GSE1: variants seen among roughly 807,000 people sequenced by gnomAD.
GSE1 encodes the protein Gse1 coiled-coil protein, also known as genetic suppressor element 1.
GSE1 carries 32 observed loss-of-function variants against 112.6 expected under a neutral mutation model. That is an observed-to-expected ratio of 0.28 (90% CI 0.21 to 0.38). The LOEUF is 0.38. GSE1 is among the 10% of genes least tolerant of loss of function. The probability of loss-of-function intolerance (pLI) is 1.00; values close to 1 mark genes in which losing one functional copy is unlikely to be tolerated. For missense variants in GSE1, 2,348 were observed against 1,699.2 expected, an observed-to-expected ratio of 1.38 and a Z score of -6.71; for synonymous variants, 1,115 against 735.6, an observed-to-expected ratio of 1.52 and a Z score of -8.35.
At chr16:85,654,742 G>A in intron 4 of GSE1, 52 bp from the exon 5 acceptor site, 3 of 1,115,378 alleles carry the variant, frequency 2.7e-6, no homozygotes, top group Non-Finnish European at 4.0e-6. Flanking sequence ...CCCCATGCAG[G>A]AGCAGGTGTG....
intron 1 of GSE1, among the ~76,000 whole-genome samples, chr16:85,314,784 C>G (rs2045953190): frequency 6.6e-6 from 1 of 152,202 alleles, no homozygotes; most frequent in South Asian, 2.1e-4. Flanking sequence ...GCAAGGTTCC[C>G]TGGGGGCAGG....
upstream of GSE1, among the ~76,000 whole-genome samples, chr16:85,611,696 AG>A (rs1245607549): frequency 2.0e-5 from 3 of 151,970 alleles, no homozygotes; most frequent in African/African-American, 7.3e-5. Context: ...GTGGGGCCTG[AG>A]GGAGCCCGCC....
chr16:85,452,037 A>C lies in GSE1; in HGVS notation c.2464+94394A>C, dbSNP rs375758370. Among the ~76,000 whole-genome samples the C allele has an allele frequency of 2.0e-5, 3 of 151,086 alleles. No individual in the cohort carries two copies. The South Asian group carries it at 6.3e-4, about 32-fold the overall frequency. The stretch of plus-strand genomic sequence containing the variant: ...TGTAAGCAAGAAGCGTCCCCACCCA[A>C]GGTCCGTGTCTCGGTGTCAGGTTAG... On this transcript the variant is annotated intron_variant, in intron 2 of 2. Coordinates refer to the GSE1 transcript ENST00000637419.
At chr16:85,510,148 G>A (rs1007213247) in intron 2 of GSE1, among the ~76,000 whole-genome samples, 1 of 152,202 alleles carries the variant, frequency 6.6e-6, no homozygotes, top group African/African-American at 2.4e-5. Context: ...CTGCCCCTCG[G>A]CTCTCCCATC....
At chr16:85,246,973 C>T (rs1905921328) in intron 1 of GSE1, among the ~76,000 whole-genome samples, 1 of 152,044 alleles carries the variant, frequency 6.6e-6, no homozygotes, top group Non-Finnish European at 1.5e-5. Context: ...TCTTAGAATA[C>T]AATTTTAAGT....
Position 85,419,499 on chromosome 16 carries a change from G to A in GSE1, c.2464+61856G>A, listed in dbSNP as rs1035585771. Among the ~76,000 whole-genome samples the A allele has an allele frequency of 7.9e-5, 12 of 152,034 alleles. No individual in the cohort carries two copies. Among genetic ancestry groups the A allele is most frequent in the Non-Finnish European group, 1.6e-4 (11 of 67,960 alleles). ...TGCACATCTGTGGTCCTAGCTACTC[G>A]GGAGGCTGAGGTGGGAGGATCGCCT... On this transcript the variant is annotated intron_variant, in intron 2 of 2. Transcript: ENST00000637419. The surrounding 1 kb of genome is among the most constrained non-coding windows in gnomAD (Gnocchi z 6.5).
At chr16:85,534,253 C>A (rs1312303206) in intron 2 of GSE1, among the ~76,000 whole-genome samples, 1 of 151,828 alleles carries the variant, frequency 6.6e-6, no homozygotes, top group Non-Finnish European at 1.5e-5. Flanking sequence ...TCCCAAATAG[C>A]TGGGATTACA....
chr16:85,634,958 G>A lies in GSE1; in HGVS notation c.226+826G>A, dbSNP rs376811495. Among the ~76,000 whole-genome samples the A allele has an allele frequency of 6.2e-4, 95 of 152,228 alleles. No individual in the cohort carries two copies. The South Asian group carries it at 7.0e-3, about 11-fold the overall frequency. The stretch of plus-strand genomic sequence containing the variant: ...TGGACTCGCTGCTGACAGGCGGGGG[G>A]GCTGAGGAAACCGGGACCCCAGTGG... On this transcript the variant is annotated intron_variant, in intron 2 of 15. Coordinates refer to ENST00000253458, the MANE Select transcript of GSE1 (RefSeq NM_014615.5).
At position 85,663,254 on chromosome 16, in the gene GSE1, A is replaced by T. The variant is rs193086456; in HGVS notation, c.2374-90A>T. The T allele has an allele frequency of 3.5e-4, 511 of 1,456,322 alleles. No homozygotes were observed. The African/African-American group carries it at 5.8e-3, about 16-fold the overall frequency. 90.2% of individuals were successfully genotyped at this position (1,456,322 alleles called of 1,614,324 possible). A position where few individuals can be genotyped will look rare whatever the true frequency, so the allele number is the denominator to read the frequency against. On this transcript the variant is annotated intron_variant, in intron 10 of 15. Transcript: ENST00000253458. Reference sequence around the variant, plus strand: ...CCAGGCGCAGCCAGCTACGGCCCACACTTCGAGGACCCCAGGAGGGGACCC... The same window carrying T: ...CCAGGCGCAGCCAGCTACGGCCCACTCTTCGAGGACCCCAGGAGGGGACCC...
Position 85,485,406 on chromosome 16 carries a change from CTCTTCCTCCCCT to C in GSE1, c.2464+127764_2464+127775del, listed in dbSNP as rs201991421. Among the ~76,000 whole-genome samples, 1,468 of 152,302 alleles carry C rather than the reference CTCTTCCTCCCCT, an allele frequency of 9.6e-3. 31 individuals carry two copies. Among genetic ancestry groups the C allele is most frequent in the African/African-American group, 0.033 (1,372 of 41,568 alleles). ...GGCGGTGGGGAGCCCTGTCCTCCTC[CTCTTCCTCCCCT>C]GTGCCTTCACTTCTGCCTTTATTTC... On this transcript the variant is annotated intron_variant, in intron 2 of 2. Coordinates refer to the GSE1 transcript ENST00000637419.
At chr16:85,497,335 C>G (rs138466553) in intron 2 of GSE1, among the ~76,000 whole-genome samples, 1 of 152,312 alleles carries the variant, frequency 6.6e-6, no homozygotes, top group East Asian at 1.9e-4. Flanking sequence ...CAGGGATTCC[C>G]AGATCCTAGC....
At chr16:85,637,997 C>A (rs2050142959) in intron 2 of GSE1, among the ~76,000 whole-genome samples, 1 of 152,200 alleles carries the variant, frequency 6.6e-6, no homozygotes. Flanking sequence ...CTGGCGCACC[C>A]AGGGAACAGC....
intron 1 of GSE1, among the ~76,000 whole-genome samples, chr16:85,630,539 A>G (rs1418117291): frequency 6.6e-6 from 1 of 151,822 alleles, no homozygotes; most frequent in Non-Finnish European, 1.5e-5. Flanking sequence ...CTGGTTTTGA[A>G]CTCCTGGCCT....
At chr16:85,588,189 G>T (rs576771496) in intron 1 of GSE1, among the ~76,000 whole-genome samples, 15 of 152,308 alleles carry the variant, frequency 9.8e-5, no homozygotes, top group African/African-American at 3.4e-4. Context: ...TCCCCACCAG[G>T]AGGGCAGGGT....
rs929318256 is a variant in GSE1 at position 85,507,334 on chromosome 16, C to T, written c.2465-126580C>T. On this transcript the variant is annotated intron_variant, in intron 2 of 2. Transcript: ENST00000637419. Reference sequence around the variant, plus strand: ...CTGAGCGGGGGGCTGTGGTAGGCGACCCCACAAGGCCAAACCCCACTCGTC... The same window carrying T: ...CTGAGCGGGGGGCTGTGGTAGGCGATCCCACAAGGCCAAACCCCACTCGTC... Among the ~76,000 whole-genome samples, 5 of 152,290 alleles carry T rather than the reference C, an allele frequency of 3.3e-5. No homozygotes were observed. In the East Asian group the frequency reaches 9.7e-4, roughly 29 times the overall value.
exon 1 of GSE1, chr16:85,170,033 A>G: frequency 1.0e-6 from 1 of 984,102 alleles, no homozygotes; most frequent in Non-Finnish European, 1.2e-6. Context: ...GAGACGCGAG[A>G]CTCCGACCTG....
chr16:85,547,646 C>G (rs764614003), intron 2 of GSE1, among the ~76,000 whole-genome samples: 1 of 151,690 alleles, frequency 6.6e-6, no homozygotes, highest in Non-Finnish European at 1.5e-5. Flanking sequence ...TTTGGGAGGC[C>G]GGGGAGGGTG....
intron 2 of GSE1, among the ~76,000 whole-genome samples, chr16:85,458,046 G>A (rs2049878910): frequency 6.6e-6 from 1 of 152,194 alleles, no homozygotes; most frequent in Admixed American, 6.5e-5. Context: ...CACCCTGGTT[G>A]CTGTCTTCTA....
In GSE1 at chr16:85,247,604, C is replaced by T. The variant is rs573000842; in HGVS notation, c.2283+75797C>T. On this transcript the variant is annotated intron_variant, in intron 1 of 2. Transcript: ENST00000637419. ...AGCCACTGCCACCACTGCCACTTCT[C>T]CCACCCTGGGTGCAAGGACCTGCCT... Among the ~76,000 whole-genome samples, 31 of 152,346 alleles carry T rather than the reference C, an allele frequency of 2.0e-4. No homozygotes were observed. The South Asian group carries it at 4.1e-3, about 20-fold the overall frequency.
Sources: gnomAD v4.1 joint callset for allele counts (sites outside exome capture counted in the v4.1 genomes callset) on GRCh38, gnomAD v4.1.1 for gene constraint, Gnocchi (gnomAD v3.1) non-coding constraint, MANE v1.5 for transcripts, NCBI Gene and HGNC (gene_info 2026-07-23, HGNC 2026-07-21) for gene names.